The following NUDT5 variants were observed in gnomAD, a reference collection of about 807,000 sequenced individuals.
NUDT5 encodes the protein nudix hydrolase 5, also known as ADP-sugar pyrophosphatase.
In NUDT5, 21 loss-of-function variants were observed where a neutral mutation model predicts 34.1. That is an observed-to-expected ratio of 0.62 (90% CI 0.44 to 0.89). The LOEUF is 0.89. Ranked by LOEUF, NUDT5 falls within the 40% of genes least tolerant of loss-of-function variation. NUDT5 has a pLI of 0.00. For synonymous variants in NUDT5, 85 were observed against 97.6 expected, an observed-to-expected ratio of 0.87 and a Z score of 0.76; for missense variants, 249 against 274.8, an observed-to-expected ratio of 0.91 and a Z score of 0.66.
Position 12,181,051 on chromosome 10 carries a change from G to A in NUDT5, c.132-1919C>T, listed in dbSNP as rs1327646075. On this transcript the variant is annotated intron_variant, in intron 3 of 9. Transcript: ENST00000491614. The surrounding 1 kb of genome is among the most constrained non-coding windows in gnomAD (Gnocchi z 5.0). ...AGCTGCTATTTTATCTCTTAGACTC[G>A]GCCCTTCATATCCGTGGGTTCTGCA... is the stretch of plus-strand genomic sequence containing the variant. Among the ~76,000 whole-genome samples, 2 of 152,082 alleles carry A rather than the reference G, an allele frequency of 1.3e-5. No homozygotes were observed. Among genetic ancestry groups the A allele is most frequent in the Non-Finnish European group, 2.9e-5 (2 of 68,016 alleles).
intron 5 of NUDT5, among the ~76,000 whole-genome samples, chr10:12,177,482 G>A (rs779737164): frequency 2.6e-5 from 4 of 152,206 alleles, no homozygotes; most frequent in African/African-American, 7.2e-5. Context: ...TCGTGCCACT[G>A]CACTCCAGCC....
At chr10:12,190,084 G>A (rs745633066) in intron 1 of NUDT5, among the ~76,000 whole-genome samples, 5 of 152,046 alleles carry the variant, frequency 3.3e-5, no homozygotes, top group Non-Finnish European at 7.4e-5. Context: ...TAGGAGAGAC[G>A]GGGTTTCACC....
chr10:12,181,905 A>G lies in NUDT5; in HGVS notation c.132-2773T>C, dbSNP rs1192487938. Among the ~76,000 whole-genome samples, 1 of 152,160 alleles carries G rather than the reference A, an allele frequency of 6.6e-6. No homozygotes were observed. The highest frequency in any genetic ancestry group is 2.4e-5 in the African/African-American group (1 of 41,444). On this transcript the variant is annotated intron_variant, in intron 3 of 9. Transcript: ENST00000491614. This position sits in a 1 kb window ranked among gnomAD's most constrained non-coding sequence, Gnocchi z 5.0. ...TGTAGTCCTAGCACTTTGGGAGGCC[A>G]AGGTGGGTGGATCACCTGAGGTCAG...
At chr10:12,195,455 C>A (rs901899483) in intron 1 of NUDT5, among the ~76,000 whole-genome samples, 1 of 152,218 alleles carries the variant, frequency 6.6e-6, no homozygotes, top group African/African-American at 2.4e-5. Context: ...GTCGAACCCT[C>A]CAGGATCGTA....
chr10:12,190,486 G>A (rs1474112803), intron 1 of NUDT5, among the ~76,000 whole-genome samples: 3 of 151,966 alleles, frequency 2.0e-5, no homozygotes, highest in Non-Finnish European at 4.4e-5. Flanking sequence ...CCTTGAGCAC[G>A]TTACAGTTTA....
rs1834926173 is a variant in NUDT5, at chr10:12,175,030, T to C, written c.290-1217A>G. On this transcript the variant is annotated intron_variant, in intron 5 of 9. Coordinates refer to ENST00000491614, the MANE Select transcript of NUDT5 (RefSeq NM_014142.4). The surrounding 1 kb of genome is among the most constrained non-coding windows in gnomAD (Gnocchi z 4.8). Reference sequence around the variant, plus strand: ...CTTTTTCCTGAAAGGAATTAAAAAATATAATAAGGCTGGGCGTGGCGGCCC... The same window carrying C: ...CTTTTTCCTGAAAGGAATTAAAAAACATAATAAGGCTGGGCGTGGCGGCCC... Among the ~76,000 whole-genome samples, 1 of 152,018 alleles carries C rather than the reference T, an allele frequency of 6.6e-6. No individual in the cohort carries two copies. Among genetic ancestry groups the C allele is most frequent in the Non-Finnish European group, 1.5e-5 (1 of 68,010 alleles).
chr10:12,180,539 G>T (rs1835025766), intron 3 of NUDT5: 1 of 152,192 alleles, frequency 6.6e-6, no homozygotes, highest in Admixed American at 6.5e-5. Flanking sequence ...TGGTTAAGGT[G>T]AAGGAAACAA....
At position 12,166,778 on chromosome 10, in the gene NUDT5, A is replaced by T. The variant is rs1484747288; in HGVS notation, c.*924T>A. The stretch of plus-strand genomic sequence containing the variant: ...AACACAAAAAGAGCTAAACTCACTC[A>T]AGAAGCTAAGAAAATGGCCCAGGAA... On this transcript the variant is annotated 3_prime_UTR_variant, in exon 10 of 10. Transcript: ENST00000491614. 1 of 488,768 alleles carries T rather than the reference A, an allele frequency of 2.0e-6. No individual in the cohort carries two copies. Among genetic ancestry groups the T allele is most frequent in the African/African-American group, 2.0e-5 (1 of 50,756 alleles). 30.3% of individuals were successfully genotyped at this position (488,768 alleles called of 1,614,324 possible).
Position 12,173,650 on chromosome 10 carries a change from A to T in NUDT5, c.385+68T>A. ...TCAGTGAATTCTGAGCGTAAAGAAC[A>T]CCCAAATAATCAATCCCTTCCCAGA... On this transcript the variant is annotated intron_variant, in intron 6 of 9. Transcript: ENST00000491614. This position sits in a 1 kb window ranked among gnomAD's most constrained non-coding sequence, Gnocchi z 4.7. 1 of 1,169,110 alleles carries T rather than the reference A, an allele frequency of 8.6e-7. No individual in the cohort carries two copies. The highest frequency in any genetic ancestry group is 1.3e-6 in the Non-Finnish European group (1 of 774,822). 72.4% of individuals were successfully genotyped at this position (1,169,110 alleles called of 1,614,324 possible).
chr10:12,167,563 C>T lies in NUDT5; in HGVS notation c.*139G>A. Reference sequence around the variant, plus strand: ...ACCTACCTGTAATTACAATTCCATACCACCACCACATCTGTTCTGTGCTTT... The same window carrying T: ...ACCTACCTGTAATTACAATTCCATATCACCACCACATCTGTTCTGTGCTTT... On this transcript the variant is annotated 3_prime_UTR_variant, in exon 10 of 10. Transcript: ENST00000491614. 4.1e-6 allele frequency: 3 copies of T among 728,642 alleles called. No individual in the cohort carries two copies. The highest frequency in any genetic ancestry group is 4.4e-6 in the Non-Finnish European group (2 of 451,668). 45.1% of individuals were successfully genotyped at this position (728,642 alleles called of 1,614,324 possible). A position where few individuals can be genotyped will look rare whatever the true frequency, so the allele number is the denominator to read the frequency against.
In NUDT5 at chr10:12,191,270, C is replaced by A. The variant is rs572503323; in HGVS notation, c.-42+4500G>T. Among the ~76,000 whole-genome samples the A allele has an allele frequency of 2.0e-5, 3 of 152,136 alleles. No individual in the cohort carries two copies. In the East Asian group the frequency reaches 5.8e-4, roughly 30 times the overall value. The stretch of plus-strand genomic sequence containing the variant: ...TTGGTGGTGGGCGCTGTAGTCCGGG[C>A]TACTCAGGAGGCTGAGGCAGGAGAA... On this transcript the variant is annotated intron_variant, in intron 1 of 9. Coordinates refer to ENST00000491614, the MANE Select transcript of NUDT5 (RefSeq NM_014142.4).
chr10:12,184,945 T>C lies in NUDT5; in HGVS notation c.75A>G (p.Glu25=). The change falls in exon 3 of 10, where the codon GAA becomes GAG. Residue 25 remains glutamate, a synonymous_variant. Transcript: ENST00000491614. ...TTTTTTCAAGCTTGACCCATTTTCC[T>C]TCTGAAATTAACTAAAAGGATATCA... ...QYIISEELIS[E]GKWVKLEKTT... The C allele has an allele frequency of 6.3e-7, 1 of 1,578,840 alleles. No homozygotes were observed. Among genetic ancestry groups the C allele is most frequent in the Non-Finnish European group, 8.7e-7 (1 of 1,151,030 alleles).
rs1054012135 is a variant in NUDT5, at chr10:12,168,577, A to C, written c.551-766T>G. The stretch of plus-strand genomic sequence containing the variant: ...CAGGACCTTATTACCACAGGCTTTC[A>C]TTAAAATTTGTTTCACTCAGATGGA... On this transcript the variant is annotated intron_variant, in intron 9 of 9. Coordinates refer to ENST00000491614, the MANE Select transcript of NUDT5 (RefSeq NM_014142.4). This position sits in a 1 kb window ranked among gnomAD's most constrained non-coding sequence, Gnocchi z 4.8. 6.6e-6 allele frequency among the ~76,000 whole-genome samples: 1 copy of C among 152,142 alleles called. No homozygotes were observed. Among genetic ancestry groups the C allele is most frequent in the Non-Finnish European group, 1.5e-5 (1 of 68,014 alleles).
At chr10:12,189,951 T>A (rs1208274219) in intron 1 of NUDT5, among the ~76,000 whole-genome samples, 1 of 151,134 alleles carries the variant, frequency 6.6e-6, no homozygotes, top group Non-Finnish European at 1.5e-5. Context: ...TGGAGTGCAG[T>A]GGCGCGATCT....
chr10:12,174,931 T>TA (rs71382687), intron 5 of NUDT5, among the ~76,000 whole-genome samples: 72,395 of 151,840 alleles, frequency 0.48, 17,605 homozygotes, highest in South Asian at 0.63. Flanking sequence ...TGGTGGCCAT[T>TA]AGGGGACTCC....
At chr10:12,189,478 T>G (rs1027701702) in intron 1 of NUDT5, among the ~76,000 whole-genome samples, 5 of 152,170 alleles carry the variant, frequency 3.3e-5, no homozygotes, top group African/African-American at 1.2e-4. Flanking sequence ...ATCCACTGAT[T>G]CCGTGAATGA....
At chr10:12,179,926 C>T (rs1049627117) in intron 3 of NUDT5, among the ~76,000 whole-genome samples, 1 of 152,230 alleles carries the variant, frequency 6.6e-6, no homozygotes, top group Non-Finnish European at 1.5e-5. Context: ...TCACTCTCTT[C>T]TCCCTACAAC....
At position 12,166,525 on chromosome 10, in the gene NUDT5, G is replaced by C; in HGVS notation, c.*1177C>G. On this transcript the variant is annotated 3_prime_UTR_variant, in exon 10 of 10. Transcript: ENST00000491614. ...AGTTTCACTCATAAAAATATCCTGG[G>C]CTCAGACAGTGAGCCTGTGGACAAA... 1 of 296,724 alleles carries C rather than the reference G, an allele frequency of 3.4e-6. No homozygotes were observed. The highest frequency in any genetic ancestry group is 2.9e-5 in the South Asian group (1 of 33,922). 18.4% of individuals were successfully genotyped at this position (296,724 alleles called of 1,614,324 possible). A position where few individuals can be genotyped will look rare whatever the true frequency, so the allele number is the denominator to read the frequency against.
chr10:12,170,303 A>G lies in NUDT5; in HGVS notation c.550+414T>C. ...CTCAAGTATTTGTTGAAGGAGCATC[A>G]TCAATTTCTCCTTGAACATACAGCC... On this transcript the variant is annotated intron_variant, in intron 9 of 9. Transcript: ENST00000491614. The surrounding 1 kb of genome is among the most constrained non-coding windows in gnomAD (Gnocchi z 4.9). The G allele has an allele frequency of 9.3e-7, 1 of 1,074,446 alleles. No homozygotes were observed. The allele number at this position is 1,074,446 out of a possible 1,614,324, so 66.6% of individuals were successfully genotyped here.
Sources: allele counts gnomAD v4.1 joint callset (sites outside exome capture counted in the v4.1 genomes callset), GRCh38; gene constraint gnomAD v4.1.1; non-coding constraint Gnocchi (gnomAD v3.1); transcripts MANE v1.5; gene names NCBI Gene and HGNC (gene_info 2026-07-23, HGNC 2026-07-21).